Variants in CSMD1 observed in about 807,000 individuals in gnomAD.
CSMD1 encodes the protein CUB and sushi domain-containing protein 1.
In CSMD1, 213 loss-of-function variants were observed where a neutral mutation model predicts 417.5. The observed-to-expected ratio is 0.51, with a 90% CI of 0.46 to 0.57. CSMD1 has a LOEUF of 0.57. Ranked by LOEUF, CSMD1 falls within the 20% of genes least tolerant of loss-of-function variation. The probability of loss-of-function intolerance (pLI) is 0.00; values close to 1 mark genes in which losing one functional copy is unlikely to be tolerated. For synonymous variants in CSMD1, 2,862 were observed against 1,736.8 expected (o/e 1.65, Z -16.11); for missense variants, 6,923 against 4,529.7 (o/e 1.53, Z -15.17).
At chr8:4,733,572 T>C (rs1810037712) in intron 1 of CSMD1, among the ~76,000 whole-genome samples, 1 of 152,222 alleles carries the variant, frequency 6.6e-6, no homozygotes, top group African/African-American at 2.4e-5. Context: ...CTATGTGGTG[T>C]AAGACGTTAA....
At chr8:3,285,122 A>G (rs572095839) in intron 25 of CSMD1, among the ~76,000 whole-genome samples, 2 of 152,274 alleles carry the variant, frequency 1.3e-5, no homozygotes, top group East Asian at 3.9e-4. Flanking sequence ...GGTCTGATTT[A>G]CAGTTTTTTA....
intron 3 of CSMD1, among the ~76,000 whole-genome samples, chr8:4,380,296 G>C (rs1335916308): frequency 6.6e-6 from 1 of 152,142 alleles, no homozygotes; most frequent in Non-Finnish European, 1.5e-5. Flanking sequence ...AGCATCTGCA[G>C]TGCTGAGCCA....
chr8:2,954,683 A>T (rs1802878022), intron 64 of CSMD1, among the ~76,000 whole-genome samples: 1 of 152,238 alleles, frequency 6.6e-6, no homozygotes, highest in Non-Finnish European at 1.5e-5. Flanking sequence ...TTTATACGTT[A>T]CTACTGAAAA....
At chr8:3,187,233 G>C (rs900089465) in intron 36 of CSMD1, among the ~76,000 whole-genome samples, 1 of 152,200 alleles carries the variant, frequency 6.6e-6, no homozygotes, top group Non-Finnish European at 1.5e-5. Context: ...AAAGCAAAGT[G>C]AAAGAAAGCG....
chr8:3,948,846 C>G (rs929024733), intron 5 of CSMD1, among the ~76,000 whole-genome samples: 8 of 151,972 alleles, frequency 5.3e-5, no homozygotes, highest in Non-Finnish European at 8.8e-5. Flanking sequence ...CAAGGGGTAT[C>G]CAATTTTCAA....
chr8:4,590,295 G>A (rs561571310), intron 2 of CSMD1, among the ~76,000 whole-genome samples: 1 of 152,034 alleles, frequency 6.6e-6, no homozygotes, highest in Non-Finnish European at 1.5e-5. Flanking sequence ...GTTCTGGGAA[G>A]CAGACATGGA....
At chr8:4,077,779 G>C (rs149176529) in intron 3 of CSMD1, among the ~76,000 whole-genome samples, 1 of 152,040 alleles carries the variant, frequency 6.6e-6, no homozygotes, top group Non-Finnish European at 1.5e-5. Context: ...GCATTTTTCA[G>C]CTCATTCCAA....
At chr8:3,942,237 T>C (rs965079875) in intron 5 of CSMD1, among the ~76,000 whole-genome samples, 2 of 152,028 alleles carry the variant, frequency 1.3e-5, no homozygotes, top group Non-Finnish European at 2.9e-5. Flanking sequence ...TATTACTGTG[T>C]AATCTTAATA....
At chr8:4,221,981 G>T (rs1004019004) in intron 3 of CSMD1, among the ~76,000 whole-genome samples, 5 of 152,046 alleles carry the variant, frequency 3.3e-5, no homozygotes, top group Non-Finnish European at 7.4e-5. Context: ...GGAGGAAGCT[G>T]TCCACCCAAC....
chr8:4,538,345 A>C (rs1797208689), intron 2 of CSMD1, among the ~76,000 whole-genome samples: 1 of 152,014 alleles, frequency 6.6e-6, no homozygotes, highest in African/African-American at 2.4e-5. Flanking sequence ...TTCAGGTCTA[A>C]CTTTTTTTTT....
chr8:3,763,196 C>A (rs1440943005), intron 5 of CSMD1, among the ~76,000 whole-genome samples: 2 of 152,160 alleles, frequency 1.3e-5, no homozygotes. Flanking sequence ...AGTCCCACAT[C>A]ATAAAGTAGA....
At chr8:4,720,932 C>A (rs1267496434) in intron 1 of CSMD1, among the ~76,000 whole-genome samples, 1 of 152,102 alleles carries the variant, frequency 6.6e-6, no homozygotes, top group Admixed American at 6.5e-5. Context: ...TTTCGTGAAT[C>A]TACAATTCAC....
At chr8:4,171,827 G>C (rs1797779471) in intron 3 of CSMD1, among the ~76,000 whole-genome samples, 3 of 152,092 alleles carry the variant, frequency 2.0e-5, no homozygotes, top group East Asian at 3.9e-4. Context: ...CTAAATCCCA[G>C]TTTAATAAAA....
intron 5 of CSMD1, among the ~76,000 whole-genome samples, chr8:3,791,891 G>C (rs1011248725): frequency 6.6e-6 from 1 of 152,028 alleles, no homozygotes; most frequent in Non-Finnish European, 1.5e-5. Flanking sequence ...AGTAATTGCA[G>C]TTTTTGGCAT....
chr8:4,128,596 C>T (rs184683101), intron 3 of CSMD1, among the ~76,000 whole-genome samples: 29 of 152,248 alleles, frequency 1.9e-4, no homozygotes, highest in African/African-American at 6.0e-4. Flanking sequence ...CTTCAAAGAC[C>T]ATTGTTACAA....
intron 3 of CSMD1, among the ~76,000 whole-genome samples, chr8:4,191,967 C>A (rs13439849): frequency 6.6e-6 from 1 of 152,088 alleles, no homozygotes. Context: ...GCAAAACACC[C>A]GTAGAGGAAC....
At chr8:4,591,471 T>A (rs1799979575) in intron 2 of CSMD1, among the ~76,000 whole-genome samples, 4 of 152,176 alleles carry the variant, frequency 2.6e-5, no homozygotes, top group Admixed American at 2.0e-4. Flanking sequence ...TGAGCAGAGC[T>A]ATCGAGCTGT....
intron 1 of CSMD1, among the ~76,000 whole-genome samples, chr8:4,791,895 T>A (rs548513204): frequency 2.6e-5 from 4 of 151,800 alleles, no homozygotes; most frequent in African/African-American, 9.7e-5. Flanking sequence ...AACAATTGGT[T>A]CATCTTATTC....
intron 1 of CSMD1, among the ~76,000 whole-genome samples, chr8:4,977,241 G>A (rs967241831): frequency 4.6e-5 from 7 of 152,212 alleles, no homozygotes; most frequent in Admixed American, 4.6e-4. Flanking sequence ...AAAGCCAAGT[G>A]AGAGCAAAAC....
Sources: allele counts gnomAD v4.1 joint callset (sites outside exome capture counted in the v4.1 genomes callset), GRCh38; gene constraint gnomAD v4.1.1; transcripts MANE v1.5; gene names NCBI Gene and HGNC (gene_info 2026-07-23, HGNC 2026-07-21).